The following SLC4A10 variants were observed in gnomAD, a reference collection of about 807,000 sequenced individuals.
SLC4A10 encodes the protein solute carrier family 4 member 10, also known as sodium-driven chloride bicarbonate exchanger.
SLC4A10 carries 42 observed loss-of-function variants against 137.7 expected under a neutral mutation model. The observed-to-expected ratio is 0.30, with a 90% CI of 0.24 to 0.39. SLC4A10 has a LOEUF of 0.39. Among genes scored for constraint, SLC4A10 ranks in the 10% least tolerant of loss-of-function variants. The probability of loss-of-function intolerance (pLI) is 1.00; values close to 1 mark genes in which losing one functional copy is unlikely to be tolerated. For synonymous variants in SLC4A10, 474 were observed against 464.1 expected, an observed-to-expected ratio of 1.02 and a Z score of -0.27; for missense variants, 925 against 1,355.0, an observed-to-expected ratio of 0.68 and a Z score of 4.98.
intron 1 of SLC4A10, among the ~76,000 whole-genome samples, chr2:161,700,061 A>C (rs1240989383): frequency 6.6e-6 from 1 of 152,200 alleles, no homozygotes. Context: ...GATCAGATGT[A>C]ATAGCATGAA....
chr2:161,796,617 C>T (rs2054802586), intron 2 of SLC4A10, among the ~76,000 whole-genome samples: 2 of 152,180 alleles, frequency 1.3e-5, no homozygotes, highest in African/African-American at 4.8e-5. Context: ...GAACAAGCTG[C>T]TAAAATATTG....
Position 161,696,678 on chromosome 2 carries a change from A to C in SLC4A10, c.48+72112A>C, listed in dbSNP as rs921456441. 4.0e-5 allele frequency among the ~76,000 whole-genome samples: 6 copies of C among 151,774 alleles called. No homozygotes were observed. The East Asian group carries it at 1.2e-3, about 29-fold the overall frequency. Reference sequence around the variant, plus strand: ...GCATAGTATTCCATGGTGTATATGTACCACATTTTCTTAATCGAGTCTATC... The same window carrying C: ...GCATAGTATTCCATGGTGTATATGTCCCACATTTTCTTAATCGAGTCTATC... On this transcript the variant is annotated intron_variant, in intron 1 of 26. Coordinates refer to ENST00000446997, the MANE Select transcript of SLC4A10 (RefSeq NM_001178015.2).
chr2:161,861,564 C>T (rs567959159), intron 5 of SLC4A10, among the ~76,000 whole-genome samples: 2 of 152,216 alleles, frequency 1.3e-5, no homozygotes, highest in Admixed American at 6.5e-5. Context: ...ATAAGCCCAG[C>T]TTTGTCTCTA....
At chr2:161,639,095 C>A (rs531920724) in intron 1 of SLC4A10, among the ~76,000 whole-genome samples, 19 of 152,070 alleles carry the variant, frequency 1.2e-4, no homozygotes, top group African/African-American at 3.6e-4. Context: ...AGTAGACAAC[C>A]AGAACAGACC....
intron 1 of SLC4A10, among the ~76,000 whole-genome samples, chr2:161,667,687 A>T (rs2039217971): frequency 6.6e-6 from 1 of 151,634 alleles, no homozygotes; most frequent in African/African-American, 2.4e-5. Context: ...ATATATGTAC[A>T]TATGTGTGTG....
At chr2:161,751,512 A>G (rs1249050675) in intron 1 of SLC4A10, among the ~76,000 whole-genome samples, 2 of 151,632 alleles carry the variant, frequency 1.3e-5, no homozygotes, top group Non-Finnish European at 3.0e-5. Context: ...TTTTTCCTGC[A>G]TGTAGGAACT....
intron 1 of SLC4A10, among the ~76,000 whole-genome samples, chr2:161,631,232 CAACACTCTGAGT>C (rs992751437): frequency 6.6e-6 from 1 of 151,620 alleles, no homozygotes; most frequent in African/African-American, 2.4e-5. Context: ...GATGGTTACA[CAACACTCTGAGT>C]ATACTAAAAA....
At chr2:161,827,162 A>G (rs1274965281) in intron 3 of SLC4A10, among the ~76,000 whole-genome samples, 1 of 152,122 alleles carries the variant, frequency 6.6e-6, no homozygotes, top group East Asian at 1.9e-4. Context: ...CAAATCTTAA[A>G]CCTTATTACT....
At chr2:161,895,080 C>G (rs546170959) in intron 11 of SLC4A10, among the ~76,000 whole-genome samples, 26 of 139,700 alleles carry the variant, frequency 1.9e-4, no homozygotes, top group African/African-American at 7.0e-4. Context: ...CACTCCACAA[C>G]AGTCCCCAGA....
intron 1 of SLC4A10, among the ~76,000 whole-genome samples, chr2:161,630,894 T>C (rs1455400775): frequency 1.3e-5 from 2 of 151,696 alleles, no homozygotes; most frequent in Non-Finnish European, 3.0e-5. Flanking sequence ...GATTTGAAAA[T>C]ATTTTTTTAG....
intron 1 of SLC4A10, among the ~76,000 whole-genome samples, chr2:161,675,202 A>G (rs932314578): frequency 2.0e-5 from 3 of 152,186 alleles, no homozygotes; most frequent in African/African-American, 7.2e-5. Flanking sequence ...CTACCTGGTC[A>G]CTAACTTAAT....
chr2:161,753,696 T>C (rs796253359), intron 1 of SLC4A10, among the ~76,000 whole-genome samples: 3 of 152,158 alleles, frequency 2.0e-5, no homozygotes, highest in African/African-American at 7.2e-5. Context: ...ATTATCAAAC[T>C]TTACTTGTTA....
intron 3 of SLC4A10, among the ~76,000 whole-genome samples, chr2:161,834,273 G>A (rs891724965): frequency 2.6e-5 from 4 of 152,126 alleles, no homozygotes; most frequent in Non-Finnish European, 5.9e-5. Context: ...TTGCCCAAAT[G>A]TACCATTAAT....
At chr2:161,637,087 ACATATACGT>A (rs2034534028) in intron 1 of SLC4A10, among the ~76,000 whole-genome samples, 1 of 125,342 alleles carries the variant, frequency 8.0e-6, no homozygotes, top group Non-Finnish European at 1.8e-5. Context: ...ATACGTATAT[ACATATACGT>A]ATATACGTAT....
At chr2:161,800,187 C>T (rs1230553356) in intron 2 of SLC4A10, among the ~76,000 whole-genome samples, 1 of 152,042 alleles carries the variant, frequency 6.6e-6, no homozygotes, top group East Asian at 1.9e-4. Context: ...AACTCCTTAA[C>T]CATGCAGAAG....
intron 26 of SLC4A10, among the ~76,000 whole-genome samples, chr2:161,980,639 ACT>A (rs1424896168): frequency 2.6e-5 from 4 of 152,100 alleles, no homozygotes; most frequent in Admixed American, 2.6e-4. Flanking sequence ...ACAGAGCAAC[ACT>A]CTGTCTCAAA....
At chr2:161,798,444 C>T (rs1037400250) in intron 2 of SLC4A10, among the ~76,000 whole-genome samples, 26 of 151,784 alleles carry the variant, frequency 1.7e-4, no homozygotes, top group East Asian at 3.9e-4. Context: ...TTTCCAAATG[C>T]GTCTCCTTTC....
intron 1 of SLC4A10, among the ~76,000 whole-genome samples, chr2:161,724,346 T>A (rs1191773587): frequency 6.6e-6 from 1 of 152,190 alleles, no homozygotes; most frequent in East Asian, 1.9e-4. Context: ...TAAAGGCACT[T>A]AGTGCTTATT....
chr2:161,758,266 G>A (rs2049883824), intron 1 of SLC4A10, among the ~76,000 whole-genome samples: 1 of 151,794 alleles, frequency 6.6e-6, no homozygotes, highest in African/African-American at 2.4e-5. Flanking sequence ...GATTAGAGCT[G>A]TTACTTTGCT....
Sources: allele counts gnomAD v4.1 joint callset (sites outside exome capture counted in the v4.1 genomes callset), GRCh38; gene constraint gnomAD v4.1.1; transcripts MANE v1.5; gene names NCBI Gene and HGNC (gene_info 2026-07-23, HGNC 2026-07-21).